TGM3: variants seen among roughly 807,000 people sequenced by gnomAD.
TGM3 encodes the protein protein-glutamine gamma-glutamyltransferase E.
Under a neutral mutation model 73.8 loss-of-function variants are expected in TGM3, and 52 were observed. That is an observed-to-expected ratio of 0.70 (90% confidence interval 0.56 to 0.89). TGM3 has a LOEUF of 0.89. TGM3 is among the 40% of genes least tolerant of loss of function. TGM3 has a pLI of 0.00. For synonymous variants in TGM3, 372 were observed against 354.9 expected (o/e 1.05, Z -0.54); for missense variants, 928 against 909.9 (o/e 1.02, Z -0.26).
In TGM3 at chr20:2,332,423, A is replaced by G; in HGVS notation, c.1642+113A>G. 9.5e-7 allele frequency: 1 copy of G among 1,047,212 alleles called. No homozygotes were observed. The highest frequency in any genetic ancestry group is 1.3e-6 in the Non-Finnish European group (1 of 742,506). The allele number at this position is 1,047,212 out of a possible 1,614,324, so 64.9% of individuals were successfully genotyped here. On this transcript the variant is annotated intron_variant, in intron 10 of 12. Coordinates refer to ENST00000381458, the MANE Select transcript of TGM3 (RefSeq NM_003245.4). The surrounding 1 kb of genome is among the most constrained non-coding windows in gnomAD (Gnocchi z 4.4). Reference sequence around the variant, plus strand: ...TTAGTCAGCTACGAATGGAGCAGCCAGCGGCCCCTGTGGTTAAGCCATGTA... The same window carrying G: ...TTAGTCAGCTACGAATGGAGCAGCCGGCGGCCCCTGTGGTTAAGCCATGTA...
chr20:2,297,298 A>G (rs147736782), intron 1 of TGM3, among the ~76,000 whole-genome samples: 1 of 152,352 alleles, frequency 6.6e-6, no homozygotes, highest in African/African-American at 2.4e-5. Flanking sequence ...CATCTGGAAC[A>G]TAAAAAAGCA....
intron 1 of TGM3, among the ~76,000 whole-genome samples, chr20:2,301,857 C>A (rs575718300): frequency 6.6e-6 from 1 of 152,146 alleles, no homozygotes; most frequent in Non-Finnish European, 1.5e-5. Flanking sequence ...TGTGTCACCA[C>A]GTCCGGCTAA....
intron 1 of TGM3, among the ~76,000 whole-genome samples, chr20:2,304,400 T>C (rs2084167116): frequency 6.6e-6 from 1 of 152,150 alleles, no homozygotes; most frequent in Admixed American, 6.5e-5. Context: ...GGGCAGGCTG[T>C]CCCCTTTGTC....
In TGM3 at chr20:2,335,225, G is replaced by C; in HGVS notation, c.1752G>C (p.Val584=). 6.2e-7 allele frequency: 1 copy of C among 1,614,234 alleles called. No homozygotes were observed. The highest frequency in any genetic ancestry group is 8.5e-7 in the Non-Finnish European group (1 of 1,180,044). The change falls in exon 11 of 13, where the codon GTG becomes GTC. Residue 584 remains valine (V), a synonymous_variant. Transcript: ENST00000381458. ...AVCKVPDESE[V]VVERDIILDN... is the part of the protein sequence containing the mutation. ...GCAAGGTCCCAGATGAGTCTGAGGT[G>C]GTGGTGGAGCGGGACATCATCCTGG...
At chr20:2,323,813 C>A (rs1425121381) in intron 7 of TGM3, among the ~76,000 whole-genome samples, 2 of 152,184 alleles carry the variant, frequency 1.3e-5, no homozygotes, top group African/African-American at 2.4e-5. Context: ...ATTTTCTTTT[C>A]ATAGTACTGA....
chr20:2,309,593 A>T lies in TGM3; in HGVS notation c.8-64A>T, dbSNP rs2084191896. On this transcript the variant is annotated intron_variant, in intron 1 of 12. Transcript: ENST00000381458. ...CCAAAGCTGCTCTTTGGTAACTTACACCCTTCCCCCACACCACCATCCCTT... is the reference window on the plus strand; with the variant it reads ...CCAAAGCTGCTCTTTGGTAACTTACTCCCTTCCCCCACACCACCATCCCTT... The T allele has an allele frequency of 2.4e-5, 38 of 1,567,596 alleles. No homozygotes were observed. In the South Asian group the frequency reaches 4.0e-4, roughly 16 times the overall value.
rs11907667 is a variant in TGM3 at position 2,296,426 on chromosome 20, G to A, written c.7+356G>A. Among the ~76,000 whole-genome samples, 938 of 152,240 alleles carry A rather than the reference G, an allele frequency of 6.2e-3. 9 individuals carry two copies. The highest frequency in any genetic ancestry group is 0.022 in the African/African-American group (899 of 41,524). ...CGTAAAGCCAAAGCAGACAGGACTC[G>A]GGTCTCGTGTTTCTCAGTGTAGCTG... On this transcript the variant is annotated intron_variant, in intron 1 of 12. Coordinates refer to ENST00000381458, the MANE Select transcript of TGM3 (RefSeq NM_003245.4).
At chr20:2,296,780 G>A (rs1000318774) in intron 1 of TGM3, among the ~76,000 whole-genome samples, 2 of 152,144 alleles carry the variant, frequency 1.3e-5, no homozygotes, top group Admixed American at 1.3e-4. Context: ...GAGGATATGG[G>A]CCTTTGTTAA....
At chr20:2,309,879 C>A (rs772040721) in intron 2 of TGM3, 49 bp downstream of exon 2, 3 of 1,605,964 alleles carry the variant, frequency 1.9e-6, no homozygotes, top group Non-Finnish European at 2.6e-6. Context: ...ACTTGAGTAG[C>A]CCTTGTTCAT....
chr20:2,328,113 C>T lies in TGM3; in HGVS notation c.1088-7C>T, dbSNP rs781301261. 2.5e-6 allele frequency: 4 copies of T among 1,614,076 alleles called. No homozygotes were observed. The South Asian group carries it at 3.3e-5, about 13-fold the overall frequency. On this transcript the variant is annotated splice_region_variant and splice_polypyrimidine_tract_variant and intron_variant, in intron 8 of 12. Coordinates refer to ENST00000381458, the MANE Select transcript of TGM3 (RefSeq NM_003245.4). This position sits in a 1 kb window ranked among gnomAD's most constrained non-coding sequence, Gnocchi z 5.2. ...CATATATCCAGCCTCTGCATCTTGG[C>T]CTCCAGGGGTGTTCCAGTGCGGCCC...
At chr20:2,309,499 A>G (rs1196813286) in intron 1 of TGM3, among the ~76,000 whole-genome samples, 158 bp from the exon 2 acceptor site, 2 of 152,204 alleles carry the variant, frequency 1.3e-5, no homozygotes, top group African/African-American at 2.4e-5. Context: ...TTGCTATGCA[A>G]GATCAAGGTC....
Position 2,340,601 on chromosome 20 carries a change from G to A in TGM3, c.*20G>A, listed in dbSNP as rs369770171. On this transcript the variant is annotated 3_prime_UTR_variant, in exon 13 of 13. Transcript: ENST00000381458. Reference sequence around the variant, plus strand: ...GAATGAAGGGCGCTGGTGGCCTCCCGTACAAACTTGGACAACACGGAGCAG... The same window carrying A: ...GAATGAAGGGCGCTGGTGGCCTCCCATACAAACTTGGACAACACGGAGCAG... 29 of 1,613,832 alleles carry A rather than the reference G, an allele frequency of 1.8e-5. No homozygotes were observed. Among genetic ancestry groups the A allele is most frequent in the African/African-American group, 1.6e-4 (12 of 74,900 alleles).
intron 1 of TGM3, among the ~76,000 whole-genome samples, chr20:2,298,810 ACTCT>A (rs202100268): frequency 8.6e-5 from 13 of 151,120 alleles, no homozygotes; most frequent in Non-Finnish European, 1.8e-4. Context: ...GGCAATATCT[ACTCT>A]CTCTCTCTCT....
intron 8 of TGM3, 125 bp downstream of exon 8, chr20:2,326,077 A>G: frequency 2.1e-6 from 2 of 961,624 alleles, no homozygotes; most frequent in Non-Finnish European, 3.2e-6. Flanking sequence ...TAAAACAAAA[A>G]TAGTTTAAAA....
At position 2,317,235 on chromosome 20, in the gene TGM3, C is replaced by T; in HGVS notation, c.837C>T (p.Thr279=). 6.2e-7 allele frequency: 1 copy of T among 1,614,122 alleles called. No homozygotes were observed. Among genetic ancestry groups the T allele is most frequent in the Non-Finnish European group, 8.5e-7 (1 of 1,180,014 alleles). ...RYGQCWVFAG[T]LNTALRSLGI... ...GCCAGTGCTGGGTCTTTGCTGGGAC[C>T]CTCAACACAGGTACCTTGGGTGTGG... Residue 279 remains threonine, a synonymous_variant, in exon 6 of 13, where the codon ACC becomes ACT. Coordinates refer to ENST00000381458, the MANE Select transcript of TGM3 (RefSeq NM_003245.4).
chr20:2,332,615 T>A lies in TGM3; in HGVS notation c.1642+305T>A, dbSNP rs1432283074. Among the ~76,000 whole-genome samples the A allele has an allele frequency of 6.6e-6, 1 of 152,148 alleles. No individual in the cohort carries two copies. Among genetic ancestry groups the A allele is most frequent in the Non-Finnish European group, 1.5e-5 (1 of 68,038 alleles). On this transcript the variant is annotated intron_variant, in intron 10 of 12. Transcript: ENST00000381458. The surrounding 1 kb of genome is among the most constrained non-coding windows in gnomAD (Gnocchi z 4.4). ...ACAAGTATATACCACCTCACACAGT[T>A]TGACCGTCTAAAAAAAGGCAGATTT...
In TGM3 at chr20:2,325,952, G is replaced by A. The variant is rs771005194; in HGVS notation, c.1087G>A (p.Gly363Arg). 1 of 1,589,144 alleles carries A rather than the reference G, an allele frequency of 6.3e-7. No individual in the cohort carries two copies. Among genetic ancestry groups the A allele is most frequent in the Non-Finnish European group, 8.6e-7 (1 of 1,166,234 alleles). ...LDATPQERSQ[G>R]VFQCGPASVI... The stretch of plus-strand genomic sequence containing the variant: ...TGCTACCCCGCAGGAAAGAAGCCAA[G>A]GTAACTTCTCTGGGTGTGGTTCTGA... Residue 363 changes from glycine (G) to arginine (R), a missense_variant and splice_region_variant, in exon 8 of 13, where the codon GGG (glycine) becomes AGG (arginine). Gly to Arg is a moderately radical substitution (Grantham distance 125). Transcript: ENST00000381458.
chr20:2,329,851 T>C (rs1189027664), intron 9 of TGM3, among the ~76,000 whole-genome samples: 1 of 152,186 alleles, frequency 6.6e-6, no homozygotes, highest in Non-Finnish European at 1.5e-5. Context: ...CAAGACTTGA[T>C]AAATAGCAGT....
At chr20:2,317,922 C>CAT (rs58550267) in intron 7 of TGM3, among the ~76,000 whole-genome samples, 2,329 of 143,014 alleles carry the variant, frequency 0.016, 59 homozygotes, top group African/African-American at 0.055. Context: ...CTTCTCTTAG[C>CAT]ATATATATAT....
Sources: allele counts gnomAD v4.1 joint callset (sites outside exome capture counted in the v4.1 genomes callset), GRCh38; gene constraint gnomAD v4.1.1; non-coding constraint Gnocchi (gnomAD v3.1); transcripts MANE v1.5; gene names NCBI Gene and HGNC (gene_info 2026-07-23, HGNC 2026-07-21).